TENM1: variants seen among roughly 807,000 people sequenced by gnomAD.
The protein encoded by TENM1 is teneurin transmembrane protein 1.
Under a neutral mutation model 174.8 loss-of-function variants are expected in TENM1, and 35 were observed. That is an observed-to-expected ratio of 0.20 (90% CI 0.15 to 0.27). The LOEUF (loss-of-function observed/expected upper bound fraction) is 0.27, where lower values mean the gene tolerates loss of function less well. Among genes scored for constraint, TENM1 ranks in the 10% least tolerant of loss-of-function variants. The pLI, the probability that TENM1 is intolerant of heterozygous loss-of-function variation, is 1.00. For synonymous variants in TENM1, 781 were observed against 798.7 expected (o/e 0.98, Z 0.37); for missense variants, 1,633 against 2,130.1 (o/e 0.77, Z 4.59).
chrX:124,966,973 A>G (rs1276834940), upstream of TENM1, among the ~76,000 whole-genome samples: 4 of 111,693 alleles, frequency 3.6e-5, no homozygotes, highest in Non-Finnish European at 1.9e-5. Context: ...CATAAGACAT[A>G]GTCTCGGCCC....
intron 3 of TENM1, among the ~76,000 whole-genome samples, chrX:124,753,768 T>A (rs2054148009): frequency 1.8e-5 from 2 of 111,944 alleles, no homozygotes; most frequent in African/African-American, 6.5e-5. Flanking sequence ...TGTCTTTGGT[T>A]CTGTTTATAT....
intron 4 of TENM1, among the ~76,000 whole-genome samples, chrX:124,712,487 T>C (rs1038885236): frequency 9.0e-6 from 1 of 111,259 alleles, no homozygotes. Flanking sequence ...TCTTTTTCTT[T>C]TTTGTTTTTT....
chrX:124,729,515 C>G (rs1292211827), intron 4 of TENM1, among the ~76,000 whole-genome samples: 1 of 112,194 alleles, frequency 8.9e-6, no homozygotes, highest in African/African-American at 3.2e-5. Flanking sequence ...CATCACCCAG[C>G]CTCTCCATCT....
Position 124,781,290 on chromosome X carries a change from C to T in TENM1, c.536-44093G>A, listed in dbSNP as rs981257843. Among the ~76,000 whole-genome samples, 3 of 111,656 alleles carry T rather than the reference C, an allele frequency of 2.7e-5. No individual in the cohort carries two copies. In the Admixed American group the frequency reaches 2.9e-4, roughly 11 times the overall value. On this transcript the variant is annotated intron_variant, in intron 3 of 31. Transcript: ENST00000422452. ...GAATAAAATCCAACTTCCAAACTTA[C>T]ATCCTAATGATCCCATGCATTCTTA...
intron 11 of TENM1, among the ~76,000 whole-genome samples, chrX:124,621,634 C>T (rs1296832017): frequency 9.0e-6 from 1 of 111,401 alleles, no homozygotes; most frequent in African/African-American, 3.3e-5. Context: ...TGACTGTGAC[C>T]CATCACATGA....
chrX:125,021,386 T>C, the TENM1 span, among the ~76,000 whole-genome samples: 4 of 111,338 alleles, frequency 3.6e-5, no homozygotes, highest in African/African-American at 1.3e-4. Flanking sequence ...ACAATTATGG[T>C]AGGAGTTACC....
rs138964363 is a variant in TENM1, at chrX:124,820,258, A to G, written c.535+74038T>C. Among the ~76,000 whole-genome samples the G allele has an allele frequency of 9.9e-4, 111 of 111,564 alleles. 1 individual carries two copies. The highest frequency in any genetic ancestry group is 3.5e-3 in the African/African-American group (106 of 30,659). ...TTACTTACACTTTTCAGTAAGTCAT[A>G]CATTACTTTCATGTCTTTCCTTATA... is the stretch of plus-strand genomic sequence containing the variant. On this transcript the variant is annotated intron_variant, in intron 3 of 31. Coordinates refer to ENST00000422452, the Ensembl canonical transcript of TENM1.
At chrX:125,005,273 AT>A in the TENM1 span, among the ~76,000 whole-genome samples, 1 of 109,267 alleles carries the variant, frequency 9.2e-6, no homozygotes, top group African/African-American at 3.3e-5. Flanking sequence ...CATGGATTAA[AT>A]AAACAGCTTT....
At chrX:124,848,419 T>C (rs886420204) in intron 3 of TENM1, among the ~76,000 whole-genome samples, 1 of 111,194 alleles carries the variant, frequency 9.0e-6, no homozygotes, top group East Asian at 2.8e-4. Flanking sequence ...GAGTAACACA[T>C]TGCTGATTTT....
rs756946541 is a variant in TENM1, at chrX:124,411,470, T to C, written c.4983-4981A>G. Among the ~76,000 whole-genome samples the C allele has an allele frequency of 2.4e-4, 27 of 111,672 alleles. 1 individual carries two copies. The highest frequency in any genetic ancestry group is 4.3e-4 in the Non-Finnish European group (23 of 53,137). On this transcript the variant is annotated intron_variant, in intron 25 of 31. Coordinates refer to ENST00000422452, the Ensembl canonical transcript of TENM1. ...TGGAAAGTTATATTGCCTCATTTCCTTTCTGTGGCCAGAGAGGCCAATGAA... is the reference window on the plus strand; with the variant it reads ...TGGAAAGTTATATTGCCTCATTTCCCTTCTGTGGCCAGAGAGGCCAATGAA...
intron 3 of TENM1, among the ~76,000 whole-genome samples, chrX:124,760,637 A>G (rs932399166): frequency 8.9e-6 from 1 of 112,302 alleles, no homozygotes; most frequent in Non-Finnish European, 1.9e-5. Context: ...AGGCATGGGC[A>G]AGGACTTCAT....
At chrX:124,424,084 C>T (rs144024826) in intron 23 of TENM1, among the ~76,000 whole-genome samples, 46 of 112,419 alleles carry the variant, frequency 4.1e-4, no homozygotes, top group African/African-American at 1.2e-3. Flanking sequence ...CTAAACTCAC[C>T]AACACCTTGA....
chrX:125,048,238 G>A, the TENM1 span, among the ~76,000 whole-genome samples: 3 of 97,712 alleles, frequency 3.1e-5, no homozygotes, highest in South Asian at 4.8e-4. Flanking sequence ...ATGCTGTTTC[G>A]AAGCATTTTT....
intron 3 of TENM1, among the ~76,000 whole-genome samples, chrX:124,815,106 A>C (rs2147276692): frequency 9.0e-6 from 1 of 111,597 alleles, no homozygotes; most frequent in South Asian, 3.8e-4. Flanking sequence ...TTATTTCCTA[A>C]TGAGGAGTTC....
the TENM1 span, among the ~76,000 whole-genome samples, chrX:125,174,514 A>G: frequency 6.3e-5 from 7 of 111,714 alleles, no homozygotes; most frequent in Non-Finnish European, 1.1e-4. Context: ...GGATTAGGGC[A>G]TATCAGAAAA....
intron 8 of TENM1, among the ~76,000 whole-genome samples, chrX:124,648,994 A>G (rs1170460381): frequency 8.9e-6 from 1 of 112,036 alleles, no homozygotes; most frequent in Non-Finnish European, 1.9e-5. Context: ...TAGGCTTTGA[A>G]GCTGCCACTT....
the TENM1 span, among the ~76,000 whole-genome samples, chrX:125,186,472 T>C: frequency 3.8e-4 from 42 of 110,719 alleles, no homozygotes; most frequent in African/African-American, 1.4e-3. Flanking sequence ...AGGTGGGGCC[T>C]GGTACGAGGT....
intron 11 of TENM1, among the ~76,000 whole-genome samples, chrX:124,597,472 G>A (rs1202539746): frequency 9.0e-6 from 1 of 111,266 alleles, no homozygotes; most frequent in East Asian, 2.8e-4. Flanking sequence ...GCTAAGATAT[G>A]AGGATGCAAA....
At position 124,881,645 on chromosome X, in the gene TENM1, G is replaced by A. The variant is rs147475393; in HGVS notation, c.535+12651C>T. Among the ~76,000 whole-genome samples the A allele has an allele frequency of 1.0e-2, 1,091 of 109,551 alleles. 12 individuals are homozygous for A. The highest frequency in any genetic ancestry group is 0.034 in the African/African-American group (1,031 of 30,149). Reference sequence around the variant, plus strand: ...ACATCTTTCTACTTTTTTGATGTGCGCATTTTTTTCCCATAAACTTCCTTC... The same window carrying A: ...ACATCTTTCTACTTTTTTGATGTGCACATTTTTTTCCCATAAACTTCCTTC... On this transcript the variant is annotated intron_variant, in intron 3 of 31. Coordinates refer to ENST00000422452, the Ensembl canonical transcript of TENM1.
Sources: allele counts gnomAD v4.1 joint callset (sites outside exome capture counted in the v4.1 genomes callset), GRCh38; gene constraint gnomAD v4.1.1; transcripts MANE v1.5; gene names NCBI Gene and HGNC (gene_info 2026-07-23, HGNC 2026-07-21).